The following SV2B variants were observed in gnomAD, a reference collection of about 807,000 sequenced individuals.
SV2B encodes solute carrier family 22 member B2.
In SV2B, 41 loss-of-function variants were observed where a neutral mutation model predicts 73.9. The observed-to-expected ratio is 0.56, with a 90% CI of 0.43 to 0.72. The LOEUF is 0.72. Ranked by LOEUF, SV2B falls within the 30% of genes least tolerant of loss-of-function variation. The probability of loss-of-function intolerance (pLI) is 0.00; values close to 1 mark genes in which losing one functional copy is unlikely to be tolerated. For synonymous variants in SV2B, 314 were observed against 314.2 expected (o/e 1.00, Z 0.01); for missense variants, 764 against 857.8 (o/e 0.89, Z 1.37).
At chr15:91,111,116 C>G (rs8029605) in intron 1 of SV2B, among the ~76,000 whole-genome samples, 76,853 of 151,786 alleles carry the variant, frequency 0.51, 20,480 homozygotes, top group Middle Eastern at 0.59. Context: ...TATCACAGGA[C>G]TGGTGGCCGC....
chr15:91,101,005 G>A (rs1023045603), intron 1 of SV2B, among the ~76,000 whole-genome samples: 3 of 152,212 alleles, frequency 2.0e-5, no homozygotes, highest in Admixed American at 2.0e-4. Flanking sequence ...TCGGCAGACG[G>A]GTGGTAGAAA....
intron 1 of SV2B, among the ~76,000 whole-genome samples, chr15:91,175,092 T>A (rs1000675432): frequency 6.6e-6 from 1 of 152,188 alleles, no homozygotes; most frequent in African/African-American, 2.4e-5. Context: ...TGAAGTAGTC[T>A]GGAAAAGAGT....
At chr15:91,291,278 C>T (rs1217395280) in intron 12 of SV2B, among the ~76,000 whole-genome samples, 1 of 150,814 alleles carries the variant, frequency 6.6e-6, no homozygotes, top group Non-Finnish European at 1.5e-5. Context: ...TAAAAAAGGA[C>T]ATATGTTAAA....
At position 91,123,883 on chromosome 15, in the gene SV2B, C is replaced by T. The variant is rs1450493166; in HGVS notation, c.-392+23520C>T. ...GGGAGATGACCCTGGGCTCTAAGCA[C>T]ACTTGGTCTGTGTCCCAGGCATATC... On this transcript the variant is annotated intron_variant, in intron 1 of 12. Coordinates refer to ENST00000394232, the MANE Select transcript of SV2B (RefSeq NM_001323032.3). The surrounding 1 kb of genome is among the most constrained non-coding windows in gnomAD (Gnocchi z 4.7). Among the ~76,000 whole-genome samples the T allele has an allele frequency of 6.6e-6, 1 of 152,172 alleles. No individual in the cohort carries two copies. The highest frequency in any genetic ancestry group is 1.9e-4 in the East Asian group (1 of 5,198).
intron 1 of SV2B, among the ~76,000 whole-genome samples, chr15:91,158,254 C>T (rs1361337591): frequency 2.6e-5 from 4 of 152,172 alleles, no homozygotes; most frequent in Admixed American, 6.5e-5. Flanking sequence ...TCTGGCAAGA[C>T]ATGGGTTTCA....
intron 1 of SV2B, among the ~76,000 whole-genome samples, chr15:91,219,343 A>G (rs1399312756): frequency 6.6e-6 from 1 of 152,188 alleles, no homozygotes; most frequent in Non-Finnish European, 1.5e-5. Flanking sequence ...CACCGGGCTT[A>G]TGACCAAGAT....
Position 91,281,751 on chromosome 15 carries a change from A to G in SV2B, c.1397A>G (p.His466Arg), listed in dbSNP as rs1279388206. 1.9e-6 allele frequency: 3 copies of G among 1,611,432 alleles called. No individual in the cohort carries two copies. Among genetic ancestry groups the G allele is most frequent in the Non-Finnish European group, 2.5e-6 (3 of 1,178,212 alleles). ...AGGTTCACAAGAATGTACTTTAAAC[A>G]TGTACTCTTTGAGGACACATTCTTT... ...NDKFTRMYFK[H>R]VLFEDTFFDE... The change falls in exon 10 of 13, where the codon CAT becomes CGT. Residue 466 changes from histidine to arginine, a missense_variant. His to Arg is a conservative substitution (Grantham distance 29, BLOSUM62 0). Transcript: ENST00000394232. The surrounding 1 kb of genome is among the most constrained non-coding windows in gnomAD (Gnocchi z 4.7).
intron 1 of SV2B, among the ~76,000 whole-genome samples, chr15:91,211,680 T>G (rs1462030083): frequency 1.3e-5 from 2 of 152,034 alleles, no homozygotes; most frequent in Non-Finnish European, 2.9e-5. Flanking sequence ...ATTTTTGTAT[T>G]TTTAGTAGAG....
intron 1 of SV2B, among the ~76,000 whole-genome samples, chr15:91,167,899 G>A (rs1179966634): frequency 1.3e-5 from 2 of 152,114 alleles, no homozygotes; most frequent in African/African-American, 4.8e-5. Flanking sequence ...AGTAAGTAAG[G>A]TTCAGATGAC....
At chr15:91,204,556 C>CTTTTTTTT in intron 1 of SV2B, among the ~76,000 whole-genome samples, 1 of 127,822 alleles carries the variant, frequency 7.8e-6, no homozygotes, top group Non-Finnish European at 1.7e-5. Context: ...TCTTCTTCTT[C>CTTTTTTTT]TTTTTTTTTT....
At chr15:91,282,887 C>T (rs963787703) in intron 10 of SV2B, among the ~76,000 whole-genome samples, 14 of 152,132 alleles carry the variant, frequency 9.2e-5, no homozygotes, top group Non-Finnish European at 2.1e-4. Context: ...GATCTTGAAA[C>T]AATAATGAGT....
intron 1 of SV2B, among the ~76,000 whole-genome samples, chr15:91,120,910 T>C (rs1190650115): frequency 2.0e-5 from 3 of 152,144 alleles, no homozygotes; most frequent in African/African-American, 7.2e-5. Flanking sequence ...AATATCTCAT[T>C]TAATCCTTCC....
intron 1 of SV2B, among the ~76,000 whole-genome samples, chr15:91,145,595 C>T (rs977205078): frequency 6.6e-6 from 1 of 152,184 alleles, no homozygotes; most frequent in East Asian, 1.9e-4. Context: ...AAATAATTTA[C>T]ATTCCCATCA....
chr15:91,255,283 G>A (rs2047644705), intron 4 of SV2B, among the ~76,000 whole-genome samples: 1 of 152,200 alleles, frequency 6.6e-6, no homozygotes. Flanking sequence ...CATGGTAATT[G>A]TCTGACCACT....
chr15:91,276,827 T>C (rs1456030048), intron 9 of SV2B, among the ~76,000 whole-genome samples: 2 of 149,890 alleles, frequency 1.3e-5, no homozygotes, highest in Non-Finnish European at 3.0e-5. Flanking sequence ...ATTATTATTA[T>C]TATTATTATT....
chr15:91,205,366 A>G (rs1198366947), intron 1 of SV2B, among the ~76,000 whole-genome samples: 1 of 151,140 alleles, frequency 6.6e-6, no homozygotes, highest in East Asian at 2.0e-4. Context: ...ATAGGATAAC[A>G]TTTCTTTTTT....
chr15:91,218,199 G>A (rs1319981724), intron 1 of SV2B, among the ~76,000 whole-genome samples: 2 of 152,172 alleles, frequency 1.3e-5, no homozygotes, highest in Non-Finnish European at 2.9e-5. Flanking sequence ...GCAGCAATAT[G>A]ATTGGAGGAC....
intron 1 of SV2B, among the ~76,000 whole-genome samples, chr15:91,217,942 G>A (rs561381915): frequency 3.3e-5 from 5 of 152,278 alleles, no homozygotes; most frequent in Non-Finnish European, 5.9e-5. Flanking sequence ...TATTTTGTAC[G>A]GAGTCCCATG....
chr15:91,193,017 C>G (rs576918118), intron 1 of SV2B, among the ~76,000 whole-genome samples: 1 of 152,320 alleles, frequency 6.6e-6, no homozygotes, highest in South Asian at 2.1e-4. Context: ...AAAAGAGACA[C>G]AAATCTATCT....
Sources: allele counts gnomAD v4.1 joint callset (sites outside exome capture counted in the v4.1 genomes callset), GRCh38; gene constraint gnomAD v4.1.1; non-coding constraint Gnocchi (gnomAD v3.1); transcripts MANE v1.5; gene names NCBI Gene and HGNC (gene_info 2026-07-23, HGNC 2026-07-21).